CHIC1: variants seen among roughly 807,000 people sequenced by gnomAD.
CHIC1 encodes the protein cysteine rich hydrophobic domain 1.
In CHIC1, 7 loss-of-function variants were observed where a neutral mutation model predicts 18.5. That is an observed-to-expected ratio of 0.38 (90% CI 0.22 to 0.71). The LOEUF is 0.71. CHIC1 is among the 30% of genes least tolerant of loss of function. CHIC1 has a pLI of 0.49. For missense variants in CHIC1, 159 were observed against 176.9 expected (o/e 0.90, Z 0.57); for synonymous variants, 77 against 73.5 (o/e 1.05, Z -0.25).
intron 3 of CHIC1, among the ~76,000 whole-genome samples, chrX:73,633,818 C>T (rs1403499730): frequency 9.0e-6 from 1 of 110,674 alleles, no homozygotes; most frequent in Non-Finnish European, 1.9e-5. Flanking sequence ...TCAAGTCAGA[C>T]ATTGGTGGTC....
At chrX:73,619,165 G>A (rs759981308) in intron 3 of CHIC1, among the ~76,000 whole-genome samples, 1 of 111,794 alleles carries the variant, frequency 8.9e-6, no homozygotes, top group East Asian at 2.8e-4. Flanking sequence ...GTCTCCCGGG[G>A]TATGCAGGAG....
chrX:73,643,343 G>T lies in CHIC1; in HGVS notation c.508-35983G>T, dbSNP rs746574327. On this transcript the variant is annotated intron_variant, in intron 3 of 5. Transcript: ENST00000373502. ...ACTTTGGTGAATCTGACAATTACGT[G>T]TCTTGGAGTTGCTCTTCTCGAGGAG... Among the ~76,000 whole-genome samples the T allele has an allele frequency of 6.5e-3, 701 of 107,851 alleles. 8 individuals are homozygous for T. Among genetic ancestry groups the T allele is most frequent in the African/African-American group, 0.022 (656 of 29,927 alleles). The allele number at this position is 107,851 out of a possible 115,157, so 93.7% of individuals were successfully genotyped here.
At position 73,682,657 on chromosome X, in the gene CHIC1, CACAA is replaced by C. The variant is rs1213811899; in HGVS notation, c.*1656_*1659del. The C allele has an allele frequency of 3.6e-5, 4 of 111,885 alleles. No individual in the cohort carries two copies. Among genetic ancestry groups the C allele is most frequent in the Non-Finnish European group, 7.6e-5 (4 of 52,856 alleles). The allele number at this position is 111,885 out of a possible 1,213,427, so 9.2% of individuals were successfully genotyped here. On this transcript the variant is annotated 3_prime_UTR_variant, in exon 6 of 6. Coordinates refer to ENST00000373502, the MANE Select transcript of CHIC1 (RefSeq NM_001039840.4). ...TTTTATATGTGATTATAATTGTTTG[CACAA>C]ACACTTTTCCACCTTCCTCTGTGCC...
chrX:73,577,836 T>A (rs1307158428), intron 2 of CHIC1, among the ~76,000 whole-genome samples: 3 of 110,448 alleles, frequency 2.7e-5, no homozygotes, highest in Non-Finnish European at 5.8e-5. Context: ...TATGGTATGA[T>A]TTGTTATACA....
intron 3 of CHIC1, among the ~76,000 whole-genome samples, chrX:73,676,959 C>G: frequency 9.0e-6 from 1 of 111,675 alleles, no homozygotes; most frequent in South Asian, 3.7e-4. Context: ...CAGATAGGAC[C>G]CTGAGCTGCA....
rs1372082829 is a variant in CHIC1 at position 73,606,777 on chromosome X, C to CAG, written c.507+22207_507+22208dup. 2.8e-5 allele frequency among the ~76,000 whole-genome samples: 3 copies of CAG among 109,043 alleles called. 1 individual carries two copies. The highest frequency in any genetic ancestry group is 1.1e-4 in the African/African-American group (3 of 28,123). 94.7% of individuals were successfully genotyped at this position (109,043 alleles called of 115,157 possible). On this transcript the variant is annotated intron_variant, in intron 3 of 5. Transcript: ENST00000373502. The stretch of plus-strand genomic sequence containing the variant: ...GCTGAAGTTTGCTGAAGGTTCACTT[C>CAG]AGACCCTGTTTGCTTTGGTATCACC...
chrX:73,601,579 A>G (rs2057650600), intron 3 of CHIC1, among the ~76,000 whole-genome samples: 2 of 105,937 alleles, frequency 1.9e-5, no homozygotes, highest in African/African-American at 7.4e-5. Context: ...AGGGAAATTT[A>G]TAGCACTAAA....
At chrX:73,608,445 G>A (rs1181137639) in intron 3 of CHIC1, among the ~76,000 whole-genome samples, 2 of 107,982 alleles carry the variant, frequency 1.9e-5, no homozygotes, top group Non-Finnish European at 1.9e-5. Flanking sequence ...AAGTCATTGA[G>A]ATTCTGATAG....
intron 3 of CHIC1, among the ~76,000 whole-genome samples, chrX:73,674,719 T>C (rs2058052188): frequency 8.9e-6 from 1 of 111,978 alleles, no homozygotes; most frequent in African/African-American, 3.3e-5. Flanking sequence ...AAGGGTTTTT[T>C]GTGTCTCTAT....
chrX:73,578,206 C>T (rs914611225), intron 2 of CHIC1, among the ~76,000 whole-genome samples: 3 of 110,453 alleles, frequency 2.7e-5, no homozygotes, highest in African/African-American at 9.8e-5. Context: ...TCATGTTGTA[C>T]ACCTTAAATA....
At chrX:73,612,960 C>G (rs1032144533) in intron 3 of CHIC1, among the ~76,000 whole-genome samples, 10 of 111,846 alleles carry the variant, frequency 8.9e-5, no homozygotes, top group Admixed American at 7.6e-4. Flanking sequence ...TCCTTTATAA[C>G]TAGTAATACT....
chrX:73,658,809 C>T (rs762828650), intron 3 of CHIC1, among the ~76,000 whole-genome samples: 15 of 112,080 alleles, frequency 1.3e-4, no homozygotes, highest in Non-Finnish European at 2.3e-4. Context: ...TTAGCTGCAT[C>T]CCAGAGATTC....
chrX:73,643,582 T>A (rs1452289832), intron 3 of CHIC1, among the ~76,000 whole-genome samples: 2 of 111,862 alleles, frequency 1.8e-5, no homozygotes, highest in African/African-American at 6.5e-5. Context: ...TATTCTTTTA[T>A]CTCTAAACTT....
rs181051185 is a variant in CHIC1 at position 73,644,875 on chromosome X, C to A, written c.508-34451C>A. On this transcript the variant is annotated intron_variant, in intron 3 of 5. Transcript: ENST00000373502. ...AATTTTCCAGGTGCCGTCTGTCATC[C>A]CTTTCTTTGACTAGGAACGGGTACT... Among the ~76,000 whole-genome samples, 31 of 111,702 alleles carry A rather than the reference C, an allele frequency of 2.8e-4. No homozygotes were observed. In the East Asian group the frequency reaches 4.2e-3, roughly 15 times the overall value.
At chrX:73,606,279 A>G (rs1397149331) in intron 3 of CHIC1, among the ~76,000 whole-genome samples, 4 of 105,671 alleles carry the variant, frequency 3.8e-5, no homozygotes, top group African/African-American at 7.4e-5. Context: ...TGATTCAGCT[A>G]TTGATACTTG....
intron 3 of CHIC1, among the ~76,000 whole-genome samples, chrX:73,603,696 A>C (rs545934013): frequency 1.8e-5 from 2 of 108,307 alleles, no homozygotes; most frequent in African/African-American, 7.2e-5. Flanking sequence ...GTTTATGGAG[A>C]GTTTTTAGCA....
intron 3 of CHIC1, among the ~76,000 whole-genome samples, chrX:73,659,560 A>C (rs1261038751): frequency 9.1e-6 from 1 of 110,365 alleles, no homozygotes; most frequent in Non-Finnish European, 1.9e-5. Context: ...TTGTCTCCTT[A>C]ATACCATGAC....
rs1174581344 is a variant in CHIC1, at chrX:73,684,860, C to A, written c.*3855C>A. 1 of 110,966 alleles carries A rather than the reference C, an allele frequency of 9.0e-6. No homozygotes were observed. Among genetic ancestry groups the A allele is most frequent in the Non-Finnish European group, 1.9e-5 (1 of 52,775 alleles). The allele number at this position is 110,966 out of a possible 1,213,427, so 9.1% of individuals were successfully genotyped here. A position where few individuals can be genotyped will look rare whatever the true frequency, so the allele number is the denominator to read the frequency against. On this transcript the variant is annotated 3_prime_UTR_variant, in exon 6 of 6. Coordinates refer to ENST00000373502, the MANE Select transcript of CHIC1 (RefSeq NM_001039840.4). ...AAAAATGAATGATCTTATCTTGCCCCAAATTTTTCTTACCTGATTCTGAGC... is the reference window on the plus strand; with the variant it reads ...AAAAATGAATGATCTTATCTTGCCCAAAATTTTTCTTACCTGATTCTGAGC...
chrX:73,662,038 T>G (rs760677664), intron 3 of CHIC1, among the ~76,000 whole-genome samples: 22 of 102,179 alleles, frequency 2.2e-4, no homozygotes, highest in Admixed American at 9.5e-4. Flanking sequence ...TAAAGTATAA[T>G]AATAAAAAAA....
Sources: gnomAD v4.1 joint callset for allele counts (sites outside exome capture counted in the v4.1 genomes callset) on GRCh38, gnomAD v4.1.1 for gene constraint, MANE v1.5 for transcripts, NCBI Gene and HGNC (gene_info 2026-07-23, HGNC 2026-07-21) for gene names.